The following PRR14L variants were observed in gnomAD, a reference collection of about 807,000 sequenced individuals.
PRR14L encodes the protein proline rich 14 like, also known as protein PRR14L.
PRR14L carries 80 observed loss-of-function variants against 155.0 expected under a neutral mutation model. The observed-to-expected ratio is 0.52, with a 90% CI of 0.43 to 0.62. The LOEUF is 0.62. Among genes scored for constraint, PRR14L ranks in the 20% least tolerant of loss-of-function variants. The pLI is 0.00. For missense variants in PRR14L, 2,469 were observed against 2,548.0 expected (o/e 0.97, Z 0.67); for synonymous variants, 883 against 916.0 (o/e 0.96, Z 0.65).
intron 4 of PRR14L, among the ~76,000 whole-genome samples, chr22:31,707,361 A>AAC (rs201603940): frequency 0.018 from 2,265 of 123,452 alleles, 57 homozygotes; most frequent in African/African-American, 0.076. Context: ...CTCAGGAACA[A>AAC]ACAGTTTGGA....
chr22:31,749,736 G>A (rs2074861905), intron 1 of PRR14L, among the ~76,000 whole-genome samples: 1 of 152,188 alleles, frequency 6.6e-6, no homozygotes, highest in Non-Finnish European at 1.5e-5. Context: ...CTGTTGTATC[G>A]AGGTTGAAGA....
chr22:31,725,683 AT>A, intron 2 of PRR14L, 73 bp from the exon 3 acceptor site: 1 of 920,090 alleles, frequency 1.1e-6, no homozygotes. Context: ...TATTATTATT[AT>A]TTTTTGAGAC....
intron 4 of PRR14L, among the ~76,000 whole-genome samples, chr22:31,706,745 G>A (rs1423338028): frequency 6.6e-6 from 1 of 151,976 alleles, no homozygotes; most frequent in Non-Finnish European, 1.5e-5. Context: ...TTGTAAGCTT[G>A]TTTAGAAAAA....
chr22:31,705,532 C>A (rs2074586137), intron 4 of PRR14L, among the ~76,000 whole-genome samples: 1 of 151,950 alleles, frequency 6.6e-6, no homozygotes, highest in Non-Finnish European at 1.5e-5. Context: ...TGCCATCATG[C>A]CCGGGTAATT....
intron 1 of PRR14L, among the ~76,000 whole-genome samples, chr22:31,743,173 G>A (rs1367110857): frequency 1.3e-5 from 2 of 151,974 alleles, no homozygotes; most frequent in Non-Finnish European, 2.9e-5. Flanking sequence ...ATGGTGGCAC[G>A]CGCCTGTAGT....
chr22:31,745,852 A>AT (rs1213435500), intron 1 of PRR14L, among the ~76,000 whole-genome samples: 19 of 143,534 alleles, frequency 1.3e-4, no homozygotes, highest in African/African-American at 3.6e-4. Flanking sequence ...TTAAAAAAAA[A>AT]AAAAAAAAAA....
At chr22:31,740,220 T>G (rs1387414224) in intron 1 of PRR14L, among the ~76,000 whole-genome samples, 1 of 150,710 alleles carries the variant, frequency 6.6e-6, no homozygotes, top group Admixed American at 6.6e-5. Context: ...CACACCTGGC[T>G]AATTTTTTTA....
At chr22:31,707,462 C>A (rs1315273820) in intron 4 of PRR14L, among the ~76,000 whole-genome samples, 1 of 152,148 alleles carries the variant, frequency 6.6e-6, no homozygotes, top group Non-Finnish European at 1.5e-5. Context: ...CTCACTGCAA[C>A]CTCCACTTCC....
At chr22:31,747,064 A>G (rs150212363) in intron 1 of PRR14L, among the ~76,000 whole-genome samples, 1,938 of 151,722 alleles carry the variant, frequency 0.013, 34 homozygotes, top group Non-Finnish European at 0.014. Flanking sequence ...TCGGCCTCCC[A>G]AAGTGCTGGG....
At chr22:31,729,087 T>C (rs2074733971) in intron 2 of PRR14L, among the ~76,000 whole-genome samples, 3 of 152,380 alleles carry the variant, frequency 2.0e-5, no homozygotes, top group South Asian at 4.1e-4. Flanking sequence ...AGTTCAGAAC[T>C]GAATACATTC....
intron 7 of PRR14L, among the ~76,000 whole-genome samples, chr22:31,697,721 C>G (rs1414733653): frequency 6.6e-6 from 1 of 152,022 alleles, no homozygotes; most frequent in African/African-American, 2.4e-5. Context: ...CAAAAATTAG[C>G]TGGGCATGGT....
chr22:31,733,478 T>G (rs923721981), intron 2 of PRR14L, among the ~76,000 whole-genome samples: 1 of 151,240 alleles, frequency 6.6e-6, no homozygotes, highest in Non-Finnish European at 1.5e-5. Flanking sequence ...CTGATTTCTG[T>G]ATTTTTAGTA....
chr22:31,690,516 G>T (rs941591618), intron 7 of PRR14L, among the ~76,000 whole-genome samples: 1 of 151,966 alleles, frequency 6.6e-6, no homozygotes, highest in Non-Finnish European at 1.5e-5. Context: ...ACAGCATCTC[G>T]CTCTCTTGCC....
In PRR14L at chr22:31,685,611, C is replaced by T. The variant is rs749142637; in HGVS notation, c.6372G>A (p.Leu2124=). The change falls in exon 9 of 9, where the codon CTG becomes CTA. Residue 2124 remains leucine, a synonymous_variant. Coordinates refer to ENST00000327423, the MANE Select transcript of PRR14L (RefSeq NM_173566.3). ...AQKAAVQSRE[L]DALLIQKLME... is the part of the protein sequence containing the mutation. The stretch of plus-strand genomic sequence containing the variant: ...TTAGTTTCTGTATCAAAAGAGCATC[C>T]AGCTCTCGACTCTGCACAGCTGCCT... The T allele has an allele frequency of 1.4e-5, 21 of 1,551,548 alleles. No homozygotes were observed. The highest frequency in any genetic ancestry group is 1.7e-5 in the Non-Finnish European group (20 of 1,146,802).
At chr22:31,738,219 A>T (rs1424103827) in intron 2 of PRR14L, among the ~76,000 whole-genome samples, 168 bp downstream of exon 2, 1 of 152,174 alleles carries the variant, frequency 6.6e-6, no homozygotes, top group Admixed American at 6.5e-5. Flanking sequence ...CAAGTGTCTG[A>T]TGTGACATAA....
intron 2 of PRR14L, 100 bp downstream of exon 2, chr22:31,738,287 T>G: frequency 9.8e-7 from 1 of 1,020,698 alleles, no homozygotes; most frequent in Non-Finnish European, 1.4e-6. Context: ...TCGGAAATGT[T>G]TCAAGAATAA....
intron 7 of PRR14L, 90 bp downstream of exon 7, chr22:31,701,566 C>A: frequency 3.0e-6 from 2 of 669,146 alleles, no homozygotes; most frequent in South Asian, 2.1e-5. Flanking sequence ...ATAAATGGCT[C>A]AGAGTGTAGG....
chr22:31,688,095 TG>T, intron 8 of PRR14L, 60 bp downstream of exon 8: 2 of 1,491,004 alleles, frequency 1.3e-6, no homozygotes, highest in South Asian at 2.4e-5. Flanking sequence ...GTGAAAGGGC[TG>T]GAGATTCACA....
chr22:31,696,844 G>A (rs1190031015), intron 7 of PRR14L, among the ~76,000 whole-genome samples: 1 of 152,134 alleles, frequency 6.6e-6, no homozygotes, highest in African/African-American at 2.4e-5. Flanking sequence ...GCTGAGCACG[G>A]TGGCTCATGC....
Sources: allele counts gnomAD v4.1 joint callset (sites outside exome capture counted in the v4.1 genomes callset), GRCh38; gene constraint gnomAD v4.1.1; transcripts MANE v1.5; gene names NCBI Gene and HGNC (gene_info 2026-07-23, HGNC 2026-07-21).